The following RBKS variants were observed in gnomAD, a reference collection of about 807,000 sequenced individuals.
The protein encoded by RBKS is ribokinase.
A neutral mutation model predicts 33.9 loss-of-function variants in RBKS; 33 were observed. That is an observed-to-expected ratio of 0.97 (90% CI 0.74 to 1.30). The LOEUF (loss-of-function observed/expected upper bound fraction) is 1.30. Among genes scored for constraint, RBKS ranks in the 50% most tolerant of loss-of-function variants. RBKS has a pLI of 0.00. For synonymous variants in RBKS, 125 were observed against 143.0 expected, an observed-to-expected ratio of 0.87 and a Z score of 0.90; for missense variants, 361 against 392.6, an observed-to-expected ratio of 0.92 and a Z score of 0.68.
At position 27,882,059 on chromosome 2, in the gene RBKS, A is replaced by T. The variant is rs538446004; in HGVS notation, c.89+8198T>A. Among the ~76,000 whole-genome samples, 10 of 152,344 alleles carry T rather than the reference A, an allele frequency of 6.6e-5. No individual in the cohort carries two copies. In the South Asian group the frequency reaches 2.1e-3, roughly 32 times the overall value. On this transcript the variant is annotated intron_variant, in intron 1 of 7. Transcript: ENST00000302188. ...GCAATTGCAACAAAAGCAAAAATTG[A>T]CAAATGAGATCTAATTAAACTAAAG... is the stretch of plus-strand genomic sequence containing the variant.
At chr2:27,802,176 T>C (rs1677809432) in intron 7 of RBKS, among the ~76,000 whole-genome samples, 1 of 150,444 alleles carries the variant, frequency 6.6e-6, no homozygotes, top group Non-Finnish European at 1.5e-5. Context: ...GAGAACTCAC[T>C]CACTATTTTG....
rs1481290059 is a variant in RBKS, at chr2:27,837,137, G to A, written c.515-4360C>T. Among the ~76,000 whole-genome samples the A allele has an allele frequency of 6.6e-6, 1 of 152,038 alleles. No homozygotes were observed. Among genetic ancestry groups the A allele is most frequent in the Non-Finnish European group, 1.5e-5 (1 of 68,030 alleles). On this transcript the variant is annotated intron_variant, in intron 5 of 7. Transcript: ENST00000302188. This position sits in a 1 kb window ranked among gnomAD's most constrained non-coding sequence, Gnocchi z 4.0. Reference sequence around the variant, plus strand: ...AAATACAAAAATATTAGCCGGGCATGGTGGCAGGTGCCTGTAGTCCCAGCT... The same window carrying A: ...AAATACAAAAATATTAGCCGGGCATAGTGGCAGGTGCCTGTAGTCCCAGCT...
rs1247243947 is a variant in RBKS, at chr2:27,810,006, C to T, written c.795+17561G>A. On this transcript the variant is annotated intron_variant, in intron 7 of 7. Transcript: ENST00000302188. This position sits in a 1 kb window ranked among gnomAD's most constrained non-coding sequence, Gnocchi z 4.4. Reference sequence around the variant, plus strand: ...TATTTATAATGTTTCTGCTTCTTCACACTTGCTGCTTCACTCTTGGGTCTT... The same window carrying T: ...TATTTATAATGTTTCTGCTTCTTCATACTTGCTGCTTCACTCTTGGGTCTT... 3 of 1,304,264 alleles carry T rather than the reference C, an allele frequency of 2.3e-6. No homozygotes were observed. Among genetic ancestry groups the T allele is most frequent in the Admixed American group, 4.6e-5 (2 of 43,576 alleles). 80.8% of individuals were successfully genotyped at this position (1,304,264 alleles called of 1,614,324 possible).
At chr2:27,860,263 A>G (rs772345098) in intron 1 of RBKS, among the ~76,000 whole-genome samples, 8 of 152,168 alleles carry the variant, frequency 5.3e-5, no homozygotes, top group Non-Finnish European at 8.8e-5. Context: ...TGATGATGAG[A>G]TTTTGATTTG....
rs575211391 is a variant in RBKS, at chr2:27,821,951, T to A, written c.795+5616A>T. ...AAGGGACACCGAAACATCTTGGCTATAACAGAAGCTTCTGGACAGAAATGT... is the reference window on the plus strand; with the variant it reads ...AAGGGACACCGAAACATCTTGGCTAAAACAGAAGCTTCTGGACAGAAATGT... On this transcript the variant is annotated intron_variant, in intron 7 of 7. Transcript: ENST00000302188. Among the ~76,000 whole-genome samples the A allele has an allele frequency of 1.1e-3, 160 of 152,322 alleles. 1 individual carries two copies. The highest frequency in any genetic ancestry group is 3.8e-3 in the African/African-American group (158 of 41,566).
chr2:27,817,969 T>C (rs1030140070), intron 7 of RBKS, among the ~76,000 whole-genome samples: 44 of 152,222 alleles, frequency 2.9e-4, no homozygotes, highest in African/African-American at 1.1e-3. Flanking sequence ...GAGATTTGGG[T>C]GGGGACACAG....
chr2:27,803,613 CA>C (rs1677839791), intron 7 of RBKS, among the ~76,000 whole-genome samples: 1 of 151,232 alleles, frequency 6.6e-6, no homozygotes. Context: ...TTTATTGAGT[CA>C]GGGGGTGGAA....
At chr2:27,821,040 CAA>C (rs59964452) in intron 7 of RBKS, among the ~76,000 whole-genome samples, 81 of 68,424 alleles carry the variant, frequency 1.2e-3, no homozygotes, top group South Asian at 4.8e-3. Context: ...AACTCCATCT[CAA>C]AAAAAAAAAA....
intron 2 of RBKS, 29 bp downstream of exon 2, chr2:27,858,410 G>C: frequency 6.4e-7 from 1 of 1,570,752 alleles, no homozygotes; most frequent in Non-Finnish European, 8.6e-7. Context: ...CTTACCTCTA[G>C]AGTCCTCTCC....
At chr2:27,816,411 C>T (rs1380541535) in intron 7 of RBKS, among the ~76,000 whole-genome samples, 1 of 152,116 alleles carries the variant, frequency 6.6e-6, no homozygotes, top group African/African-American at 2.4e-5. Flanking sequence ...TTGTCTTCTT[C>T]ATTTTTTCCA....
Position 27,798,944 on chromosome 2 carries a change from C to G in RBKS, c.796-17156G>C, listed in dbSNP as rs187667592. On this transcript the variant is annotated intron_variant, in intron 7 of 7. Coordinates refer to ENST00000302188, the MANE Select transcript of RBKS (RefSeq NM_022128.3). ...TCCCGGAAACCACCAGTCTCAGGCCCTCTGGCTGCCCCCTGCCCTCCCCTT... is the reference window on the plus strand; with the variant it reads ...TCCCGGAAACCACCAGTCTCAGGCCGTCTGGCTGCCCCCTGCCCTCCCCTT... 2.4e-3 allele frequency among the ~76,000 whole-genome samples: 366 copies of G among 152,308 alleles called. 2 individuals carry two copies. The highest frequency in any genetic ancestry group is 8.3e-3 in the African/African-American group (347 of 41,572).
chr2:27,782,949 G>T (rs933959097), intron 7 of RBKS, among the ~76,000 whole-genome samples: 2 of 152,006 alleles, frequency 1.3e-5, no homozygotes, highest in Non-Finnish European at 2.9e-5. Flanking sequence ...TGGGAGATTG[G>T]TCTCTTCCAT....
At chr2:27,789,925 GTATA>G (rs376783086) in intron 7 of RBKS, among the ~76,000 whole-genome samples, 81 of 130,622 alleles carry the variant, frequency 6.2e-4, no homozygotes, top group East Asian at 3.2e-3. Context: ...GTTTGTGTGT[GTATA>G]TATATATATA....
chr2:27,844,908 CTGCTCG>C (rs953498591), intron 4 of RBKS, among the ~76,000 whole-genome samples: 6 of 152,158 alleles, frequency 3.9e-5, no homozygotes, highest in Admixed American at 2.6e-4. Context: ...GTGCTCCGGG[CTGCTCG>C]TGCTGATCTT....
At chr2:27,816,264 T>A (rs1236282228) in intron 7 of RBKS, among the ~76,000 whole-genome samples, 1 of 152,214 alleles carries the variant, frequency 6.6e-6, no homozygotes, top group African/African-American at 2.4e-5. Context: ...ATAAATGAGG[T>A]GATCTGTTGA....
At chr2:27,812,379 A>G (rs1389799679) in intron 7 of RBKS, among the ~76,000 whole-genome samples, 1 of 152,230 alleles carries the variant, frequency 6.6e-6, no homozygotes, top group East Asian at 1.9e-4. Flanking sequence ...AAAGGATTAT[A>G]AATCATGCTG....
chr2:27,886,653 C>T (rs575882887), intron 1 of RBKS, among the ~76,000 whole-genome samples: 2 of 152,072 alleles, frequency 1.3e-5, no homozygotes, highest in African/African-American at 4.8e-5. Flanking sequence ...GTAGGAGGAT[C>T]GCTTGAGCCC....
intron 7 of RBKS, among the ~76,000 whole-genome samples, chr2:27,788,052 G>A (rs1441374806): frequency 6.6e-6 from 1 of 152,118 alleles, no homozygotes; most frequent in African/African-American, 2.4e-5. Context: ...CATGATAAAA[G>A]TTCAGCAAAT....
At chr2:27,799,824 G>A (rs1261240913) in intron 7 of RBKS, among the ~76,000 whole-genome samples, 1 of 152,126 alleles carries the variant, frequency 6.6e-6, no homozygotes, top group Non-Finnish European at 1.5e-5. Flanking sequence ...TACTTAGGCT[G>A]GCCCAGGGGC....
Sources: gnomAD v4.1 joint callset for allele counts (sites outside exome capture counted in the v4.1 genomes callset) on GRCh38, gnomAD v4.1.1 for gene constraint, Gnocchi (gnomAD v3.1) non-coding constraint, MANE v1.5 for transcripts, NCBI Gene and HGNC (gene_info 2026-07-23, HGNC 2026-07-21) for gene names.